Variants in BNC1 observed in about 807,000 individuals in gnomAD.
BNC1 encodes basonuclin zinc finger protein 1.
BNC1 carries 8 observed loss-of-function variants against 66.5 expected under a neutral mutation model. That is an observed-to-expected ratio of 0.12 (90% confidence interval 0.07 to 0.22). The LOEUF (loss-of-function observed/expected upper bound fraction) is 0.22. Among genes scored for constraint, BNC1 ranks in the 10% least tolerant of loss-of-function variants. BNC1 has a pLI of 1.00. For synonymous variants in BNC1, 454 were observed against 452.6 expected, an observed-to-expected ratio of 1.00 and a Z score of -0.04; for missense variants, 1,069 against 1,241.3, an observed-to-expected ratio of 0.86 and a Z score of 2.09.
intron 1 of BNC1, among the ~76,000 whole-genome samples, chr15:83,274,953 C>T (rs2038305186): frequency 6.6e-6 from 1 of 152,208 alleles, no homozygotes; most frequent in African/African-American, 2.4e-5. Flanking sequence ...CCTACAACCA[C>T]TTTCAGAGTT....
intron 1 of BNC1, among the ~76,000 whole-genome samples, chr15:83,282,830 C>A (rs569076141): frequency 6.6e-6 from 1 of 152,344 alleles, no homozygotes; most frequent in Non-Finnish European, 1.5e-5. Flanking sequence ...TACATCTGCT[C>A]TGTGGTCCTA....
chr15:83,268,060 A>G, intron 2 of BNC1, 73 bp downstream of exon 2: 1 of 1,262,136 alleles, frequency 7.9e-7, no homozygotes, highest in South Asian at 1.3e-5. Flanking sequence ...AAGATATTAA[A>G]TCAGTTCCTG....
rs2038102896 is a variant in BNC1 at position 83,258,123 on chromosome 15, G to C, written c.2304C>G (p.His768Gln). The C allele has an allele frequency of 6.3e-7, 1 of 1,591,928 alleles. No individual in the cohort carries two copies. The highest frequency in any genetic ancestry group is 1.3e-5 in the African/African-American group (1 of 74,452). The change falls in exon 5 of 5, where the codon CAC becomes CAG. Residue 768 changes from histidine to glutamine, a missense_variant. His to Gln is a conservative substitution (Grantham distance 24). Transcript: ENST00000345382. Reference sequence around the variant, plus strand: ...TTTGGTGGAGGTTTAGGTTTGAGCTGTGTCTACAAGAGTGAAAAGATGGTT... The same window carrying C: ...TTTGGTGGAGGTTTAGGTTTGAGCTCTGTCTACAAGAGTGAAAAGATGGTT... ...TFPSRRSRDR[H>Q]SSNLNLHQKA...
In BNC1 at chr15:83,264,749, G is replaced by C. The variant is rs2038197327; in HGVS notation, c.502C>G (p.Gln168Glu). The C allele has an allele frequency of 5.0e-6, 8 of 1,614,098 alleles. No homozygotes were observed. Among genetic ancestry groups the C allele is most frequent in the Non-Finnish European group, 6.8e-6 (8 of 1,180,044 alleles). The change falls in exon 4 of 5, where the codon CAG (glutamine) becomes GAG (glutamate). Residue 168 changes from glutamine (Q) to glutamate (E), a missense_variant. Gln to Glu is a conservative substitution (Grantham distance 29). This residue lies in a region of BNC1 where 181 missense variants were observed against 181.5 expected (regional missense o/e 1.00). Transcript: ENST00000345382. ...GTCTCTCCAAAACGAAGGAACTGCT[G>C]CAAGGTGGCCACTTCTTCCTCACTG... Reference protein sequence around the residue: ...MTSEEEVATLQQFLRFGETKS... With the variant: ...MTSEEEVATLEQFLRFGETKS...
intron 2 of BNC1, among the ~76,000 whole-genome samples, chr15:83,267,405 G>A (rs945947196): frequency 8.5e-5 from 13 of 152,140 alleles, no homozygotes; most frequent in Admixed American, 5.9e-4. Context: ...CATAGAGTCT[G>A]GGGGTAAAGA....
In BNC1 at chr15:83,284,638, G is replaced by GAA; in HGVS notation, c.-11_-10insTT. The GAA allele has an allele frequency of 1.0e-6, 1 of 988,414 alleles. No individual in the cohort carries two copies. Among genetic ancestry groups the GAA allele is most frequent in the Non-Finnish European group, 1.2e-6 (1 of 833,118 alleles). 61.2% of individuals were successfully genotyped at this position (988,414 alleles called of 1,614,324 possible). ...GCGGGCGCCGCCGCATCCACGCTCC[G>GAA]GCCGTCGGGGCGCGACCCGGCGAAG... On this transcript the variant is annotated 5_prime_UTR_variant, in exon 1 of 5. Transcript: ENST00000345382.
At position 83,264,731 on chromosome 15, in the gene BNC1, C is replaced by T. The variant is rs917782283; in HGVS notation, c.520G>A (p.Gly174Arg). 4 of 1,613,984 alleles carry T rather than the reference C, an allele frequency of 2.5e-6. No homozygotes were observed. Among genetic ancestry groups the T allele is most frequent in the African/African-American group, 1.3e-5 (1 of 74,872 alleles). Residue 174 changes from glycine to arginine, a missense_variant, in exon 4 of 5, where the codon GGA (glycine) becomes AGA (arginine). Around this residue, in one of 7 missense-constraint regions of BNC1, gnomAD observed 181 missense variants for 181.5 expected, o/e 1.00. Transcript: ENST00000345382. Reference sequence around the variant, plus strand: ...AGTTCAACTATAGATTTGGTCTCTCCAAAACGAAGGAACTGCTGCAAGGTG... The same window carrying T: ...AGTTCAACTATAGATTTGGTCTCTCTAAAACGAAGGAACTGCTGCAAGGTG... ...VATLQQFLRF[G>R]ETKSIVELMA...
intron 4 of BNC1, among the ~76,000 whole-genome samples, chr15:83,259,010 G>A (rs2038114553): frequency 6.6e-6 from 1 of 152,170 alleles, no homozygotes; most frequent in African/African-American, 2.4e-5. Context: ...AGAATTGTGT[G>A]TGTATGTAGT....
At chr15:83,283,606 C>A in intron 1 of BNC1, 1 of 743,958 alleles carries the variant, frequency 1.3e-6, no homozygotes, top group Non-Finnish European at 1.6e-6. Context: ...CAGGCGCAGC[C>A]GCGGGCTCCG....
At chr15:83,262,843 G>C (rs1415822119) in intron 4 of BNC1, 108 bp downstream of exon 4, 8 of 1,194,864 alleles carry the variant, frequency 6.7e-6, no homozygotes, top group Non-Finnish European at 9.2e-6. Flanking sequence ...GAAATTCTAG[G>C]GTGGGGCTCA....
At chr15:83,279,412 T>C (rs1443160380) in intron 1 of BNC1, among the ~76,000 whole-genome samples, 1 of 152,120 alleles carries the variant, frequency 6.6e-6, no homozygotes, top group East Asian at 1.9e-4. Context: ...TTAAATAGTT[T>C]GAGTGGGATA....
At chr15:83,273,716 C>T (rs563645503) in intron 1 of BNC1, among the ~76,000 whole-genome samples, 6 of 152,206 alleles carry the variant, frequency 3.9e-5, no homozygotes, top group Admixed American at 2.0e-4. Flanking sequence ...TTTTTAGGCA[C>T]GCTCCTGGAC....
chr15:83,284,092 G>C (rs1042807781), intron 1 of BNC1, among the ~76,000 whole-genome samples: 1 of 150,712 alleles, frequency 6.6e-6, no homozygotes, highest in Non-Finnish European at 1.5e-5. Flanking sequence ...CACAAATTCT[G>C]AGGTAAAAGA....
rs771791332 is a variant in BNC1 at position 83,262,940 on chromosome 15, A to G, written c.2300+11T>C. 1.3e-6 allele frequency: 2 copies of G among 1,588,236 alleles called. No homozygotes were observed. Among genetic ancestry groups the G allele is most frequent in the South Asian group, 2.3e-5 (2 of 86,478 alleles). ...TGCCTTAGAAAAAATGATTGCCTACAGATGCCTTACCTGTCTCTGCTCCTG... is the reference window on the plus strand; with the variant it reads ...TGCCTTAGAAAAAATGATTGCCTACGGATGCCTTACCTGTCTCTGCTCCTG... On this transcript the variant is annotated intron_variant, in intron 4 of 4. Coordinates refer to ENST00000345382, the MANE Select transcript of BNC1 (RefSeq NM_001717.4).
At chr15:83,273,061 T>A (rs2038284694) in intron 1 of BNC1, among the ~76,000 whole-genome samples, 1 of 152,232 alleles carries the variant, frequency 6.6e-6, no homozygotes, top group Non-Finnish European at 1.5e-5. Context: ...AGTTTCGGGA[T>A]AATTTTAAAT....
intron 1 of BNC1, among the ~76,000 whole-genome samples, chr15:83,269,229 A>C: frequency 6.6e-6 from 1 of 152,202 alleles, no homozygotes. Context: ...CTCTCAAAAA[A>C]ACAAAAACAA....
intron 3 of BNC1, among the ~76,000 whole-genome samples, chr15:83,266,022 G>T (rs552595211): frequency 6.6e-6 from 1 of 152,152 alleles, no homozygotes; most frequent in Non-Finnish European, 1.5e-5. Context: ...ATACAATGCT[G>T]TAGCTGTTTC....
In BNC1 at chr15:83,263,772, G is replaced by A. The variant is rs141436914; in HGVS notation, c.1479C>T (p.Arg493=). 7 of 1,614,062 alleles carry A rather than the reference G, an allele frequency of 4.3e-6. No individual in the cohort carries two copies. Among genetic ancestry groups the A allele is most frequent in the African/African-American group, 1.3e-5 (1 of 74,924 alleles). ...CTACCTCGGCAGGCGTGGCTGGACT[G>A]CGGTAGAAAGGAAGGACTGGCTGGA... ...KTVQPVLPFY[R]SPATPAEVAN... The change falls in exon 4 of 5, where the codon CGC becomes CGT. Residue 493 remains arginine, a synonymous_variant. Coordinates refer to ENST00000345382, the MANE Select transcript of BNC1 (RefSeq NM_001717.4).
chr15:83,282,351 C>G (rs574977267), intron 1 of BNC1, among the ~76,000 whole-genome samples: 3 of 152,308 alleles, frequency 2.0e-5, no homozygotes, highest in South Asian at 2.1e-4. Context: ...TGACTCGTAT[C>G]TTATTCGTTT....
Sources: gnomAD v4.1 joint callset for allele counts (sites outside exome capture counted in the v4.1 genomes callset) on GRCh38, gnomAD v4.1.1 for gene constraint, gnomAD v4.1.1 regional missense constraint, MANE v1.5 for transcripts, NCBI Gene and HGNC (gene_info 2026-07-23, HGNC 2026-07-21) for gene names.